ADARB2: variants seen among roughly 807,000 people sequenced by gnomAD.
ADARB2 encodes inactive double-stranded RNA-specific editase B2.
A neutral mutation model predicts 62.2 loss-of-function variants in ADARB2; 25 were observed. That is an observed-to-expected ratio of 0.40 (90% CI 0.29 to 0.56). The LOEUF (loss-of-function observed/expected upper bound fraction) is 0.56, where lower values mean the gene tolerates loss of function less well. ADARB2 is among the 20% of genes least tolerant of loss of function. The pLI is 0.43. For synonymous variants in ADARB2, 572 were observed against 500.8 expected (o/e 1.14, Z -1.90); for missense variants, 1,071 against 1,077.4 (o/e 0.99, Z 0.08).
intron 1 of ADARB2, among the ~76,000 whole-genome samples, chr10:1,611,765 C>A (rs11250664): frequency 0.17 from 25,545 of 152,150 alleles, 3,053 homozygotes; most frequent in African/African-American, 0.33. Context: ...CTTGATATAT[C>A]GTCCCAGCGA....
chr10:1,241,971 AG>A (rs34326563), intron 5 of ADARB2, among the ~76,000 whole-genome samples, 159 bp downstream of exon 5: 1 of 152,230 alleles, frequency 6.6e-6, no homozygotes, highest in Non-Finnish European at 1.5e-5. Context: ...TTGGTGTGCC[AG>A]GGATGTCTCT....
chr10:1,228,087 TC>T (rs1324179496), intron 6 of ADARB2, among the ~76,000 whole-genome samples: 3 of 152,234 alleles, frequency 2.0e-5, no homozygotes, highest in Non-Finnish European at 4.4e-5. Context: ...TTCCCTGACT[TC>T]CTATGGGATT....
chr10:1,572,307 G>A (rs945754474), intron 1 of ADARB2, among the ~76,000 whole-genome samples: 1 of 152,158 alleles, frequency 6.6e-6, no homozygotes. Flanking sequence ...GAGCTTGCAG[G>A]TGCGTGTGCA....
intron 7 of ADARB2, chr10:1,200,461 TG>T (rs1473013420): frequency 4.2e-6 from 2 of 477,444 alleles, no homozygotes; most frequent in Non-Finnish European, 7.4e-6. Context: ...AAAGATACTC[TG>T]TCCCAAAAGT....
chr10:1,692,951 T>A (rs1451919496), intron 1 of ADARB2, among the ~76,000 whole-genome samples: 1 of 152,166 alleles, frequency 6.6e-6, no homozygotes, highest in African/African-American at 2.4e-5. Context: ...ATAACTCCTG[T>A]TCCTCATGCA....
chr10:1,293,025 G>C (rs1223306585), intron 3 of ADARB2: 15 of 43,056 alleles, frequency 3.5e-4, no homozygotes, highest in African/African-American at 1.6e-3. Context: ...AGGGGAGAGA[G>C]AGGGACACAG....
intron 3 of ADARB2, among the ~76,000 whole-genome samples, chr10:1,357,908 T>C (rs1270576050): frequency 6.6e-6 from 1 of 152,252 alleles, no homozygotes; most frequent in Non-Finnish European, 1.5e-5. Context: ...GGTAGGTCTC[T>C]GAAACGCTCA....
At chr10:1,389,831 G>A (rs1382845658) in intron 1 of ADARB2, among the ~76,000 whole-genome samples, 4 of 151,988 alleles carry the variant, frequency 2.6e-5, no homozygotes, top group Non-Finnish European at 4.4e-5. Context: ...TTACATGTCA[G>A]TAACCATGTG....
chr10:1,465,323 C>G (rs1239169423), intron 1 of ADARB2, among the ~76,000 whole-genome samples: 2 of 152,204 alleles, frequency 1.3e-5, no homozygotes, highest in East Asian at 3.9e-4. Flanking sequence ...TGTCAAAACC[C>G]AGCACCGTGC....
chr10:1,638,054 T>C (rs1446914684), intron 1 of ADARB2, among the ~76,000 whole-genome samples: 1 of 152,194 alleles, frequency 6.6e-6, no homozygotes, highest in South Asian at 2.1e-4. Context: ...CAGGCTGTTT[T>C]CCACATGGAG....
At chr10:1,491,830 C>T (rs897302404) in intron 1 of ADARB2, among the ~76,000 whole-genome samples, 2 of 152,154 alleles carry the variant, frequency 1.3e-5, no homozygotes, top group Non-Finnish European at 2.9e-5. Context: ...CTGAGTGATT[C>T]GCCTCTTTGA....
intron 1 of ADARB2, among the ~76,000 whole-genome samples, chr10:1,409,220 C>T (rs1160511210): frequency 2.1e-5 from 2 of 96,974 alleles, no homozygotes; most frequent in African/African-American, 5.9e-5. Context: ...CTCCCACCTT[C>T]GTCGCCCCGC....
chr10:1,315,281 C>T (rs1317297080), intron 3 of ADARB2, among the ~76,000 whole-genome samples: 1 of 152,180 alleles, frequency 6.6e-6, no homozygotes, highest in Non-Finnish European at 1.5e-5. Context: ...TGCAGGGGCT[C>T]CTGGGCCTCT....
intron 1 of ADARB2, among the ~76,000 whole-genome samples, chr10:1,490,907 G>A (rs750929061): frequency 9.2e-5 from 14 of 152,290 alleles, no homozygotes; most frequent in Admixed American, 2.0e-4. Flanking sequence ...AGGATGCCAT[G>A]TCTAAGCCTT....
chr10:1,715,253 A>G (rs1588363971), intron 1 of ADARB2, among the ~76,000 whole-genome samples: 1 of 152,126 alleles, frequency 6.6e-6, no homozygotes, highest in East Asian at 1.9e-4. Context: ...CAGTTGCAAT[A>G]GTCTTATTAT....
chr10:1,370,554 C>T (rs1017222623), intron 2 of ADARB2, among the ~76,000 whole-genome samples: 1 of 152,142 alleles, frequency 6.6e-6, no homozygotes, highest in Non-Finnish European at 1.5e-5. Context: ...CTAGGAAACC[C>T]TAAAGACTCC....
chr10:1,492,503 A>T (rs1321360081), intron 1 of ADARB2, among the ~76,000 whole-genome samples: 3 of 152,166 alleles, frequency 2.0e-5, no homozygotes, highest in African/African-American at 7.2e-5. Context: ...GAGGGAGTGC[A>T]GTCCTGCTGA....
At chr10:1,313,075 A>C (rs1332288135) in intron 3 of ADARB2, among the ~76,000 whole-genome samples, 5 of 152,178 alleles carry the variant, frequency 3.3e-5, no homozygotes, top group African/African-American at 1.2e-4. Context: ...GGGGCCGTTC[A>C]TCCATTCCTC....
chr10:1,329,102 C>T (rs1831904318), intron 3 of ADARB2, among the ~76,000 whole-genome samples: 1 of 149,892 alleles, frequency 6.7e-6, no homozygotes, highest in South Asian at 2.1e-4. Context: ...ATATGAAGTT[C>T]ACACCCCAGT....
Sources: gnomAD v4.1 joint callset for allele counts (sites outside exome capture counted in the v4.1 genomes callset) on GRCh38, gnomAD v4.1.1 for gene constraint, MANE v1.5 for transcripts, NCBI Gene and HGNC (gene_info 2026-07-23, HGNC 2026-07-21) for gene names.